The following ANKRD31 variants were observed in gnomAD, a reference collection of about 807,000 sequenced individuals.
ANKRD31 encodes ankyrin repeat domain-containing protein 31.
In ANKRD31, 147 loss-of-function variants were observed where a neutral mutation model predicts 186.0. The ratio of observed to expected loss-of-function variants is 0.79; its 90% CI spans 0.69 to 0.91. ANKRD31 has a LOEUF of 0.91. Ranked by LOEUF, ANKRD31 falls within the 40% of genes least tolerant of loss-of-function variation. ANKRD31 has a pLI of 0.00. For missense variants in ANKRD31, 1,986 were observed against 2,148.8 expected, an observed-to-expected ratio of 0.92 and a Z score of 1.50; for synonymous variants, 673 against 736.4, an observed-to-expected ratio of 0.91 and a Z score of 1.39.
rs565782918 is a variant in ANKRD31 at position 75,109,651 on chromosome 5, G to A, written c.4244-2034C>T. On this transcript the variant is annotated intron_variant, in intron 20 of 25. Transcript: ENST00000506364. Reference sequence around the variant, plus strand: ...AACACCTAGAGACCTTGAAAAATGAGGAGCTACCACAGCAGGGCCAAAAGA... The same window carrying A: ...AACACCTAGAGACCTTGAAAAATGAAGAGCTACCACAGCAGGGCCAAAAGA... Among the ~76,000 whole-genome samples the A allele has an allele frequency of 4.6e-5, 7 of 152,240 alleles. 1 individual carries two copies. In the South Asian group the frequency reaches 1.5e-3, roughly 32 times the overall value.
intron 17 of ANKRD31, among the ~76,000 whole-genome samples, chr5:75,134,241 G>C (rs1043353321): frequency 6.6e-6 from 1 of 151,604 alleles, no homozygotes; most frequent in African/African-American, 2.4e-5. Context: ...TTTTTTGAAA[G>C]CATCAACAAA....
chr5:75,112,597 G>A lies in ANKRD31; in HGVS notation c.4159C>T (p.Gln1387Ter). ...TCTTGTAGAATGGCACTGAGGGTCT[G>A]ATGCTATCAGATAAAAATATTTGAA... ...ERSRESLSVH[Q>*]TLSAILQDIE... Residue 1387 changes from glutamine to a stop codon, truncating the protein, a stop_gained, in exon 20 of 26, where the codon CAG (glutamine) becomes TAG (stop). Transcript: ENST00000506364. LOFTEE classifies it high-confidence loss of function. 1 of 1,501,340 alleles carries A rather than the reference G, an allele frequency of 6.7e-7. No individual in the cohort carries two copies. The highest frequency in any genetic ancestry group is 8.9e-7 in the Non-Finnish European group (1 of 1,124,664). The allele number at this position is 1,501,340 out of a possible 1,614,324, so 93.0% of individuals were successfully genotyped here. A position where few individuals can be genotyped will look rare whatever the true frequency, so the allele number is the denominator to read the frequency against.
chr5:75,070,780 T>C (rs1224801216), intron 25 of ANKRD31, among the ~76,000 whole-genome samples: 3 of 152,208 alleles, frequency 2.0e-5, no homozygotes, highest in Non-Finnish European at 4.4e-5. Flanking sequence ...TTCCTAGGAC[T>C]AGGAAAGTGT....
rs1423881602 is a variant in ANKRD31 at position 75,107,582 on chromosome 5, T to A, written c.4279A>T (p.Ile1427Phe). 1 of 1,531,388 alleles carries A rather than the reference T, an allele frequency of 6.5e-7. No individual in the cohort carries two copies. The highest frequency in any genetic ancestry group is 2.0e-5 in the Admixed American group (1 of 50,328). The allele number at this position is 1,531,388 out of a possible 1,614,324, so 94.9% of individuals were successfully genotyped here. The stretch of plus-strand genomic sequence containing the variant: ...TGCTTGGCAAGCACATTATCCATAA[T>A]CTTTTTTATCTTTAACATCTTTTCA... Reference protein sequence around the residue: ...YIEKMLKIKKIMDNVLAKQKA... With the variant: ...YIEKMLKIKKFMDNVLAKQKA... Residue 1427 changes from isoleucine to phenylalanine, a missense_variant, in exon 21 of 26, where the codon ATT becomes TTT. Transcript: ENST00000506364.
At chr5:75,229,872 A>C (rs1434704215) in intron 2 of ANKRD31, among the ~76,000 whole-genome samples, 3 of 106,708 alleles carry the variant, frequency 2.8e-5, no homozygotes, top group African/African-American at 1.9e-4. Flanking sequence ...CTCAAAAAAA[A>C]AAAAAAAAAA....
chr5:75,145,970 A>AGCAATATTACTAATACCTGG lies in ANKRD31; in HGVS notation c.3421_3424+16dup. On this transcript the variant is annotated intron_variant, in intron 14 of 25. Transcript: ENST00000506364. ...ATCTATAGGAAATATGTACAGATTAAGCAATATTACTAATACCTGGTTTGT... is the reference window on the plus strand; with the variant it reads ...ATCTATAGGAAATATGTACAGATTAAGCAATATTACTAATACCTGGGCAATATTACTAATACCTGGTTTGT... 7.0e-7 allele frequency: 1 copy of AGCAATATTACTAATACCTGG among 1,430,040 alleles called. No individual in the cohort carries two copies. Among genetic ancestry groups the AGCAATATTACTAATACCTGG allele is most frequent in the South Asian group, 1.5e-5 (1 of 67,716 alleles). The allele number at this position is 1,430,040 out of a possible 1,614,324, so 88.6% of individuals were successfully genotyped here.
chr5:75,068,604 A>C lies in ANKRD31; in HGVS notation c.5708T>G (p.Leu1903Ter), dbSNP rs1743952461. 1 of 1,523,966 alleles carries C rather than the reference A, an allele frequency of 6.6e-7. No homozygotes were observed. Among genetic ancestry groups the C allele is most frequent in the Middle Eastern group, 1.7e-4 (1 of 5,962 alleles). 94.4% of individuals were successfully genotyped at this position (1,523,966 alleles called of 1,614,324 possible). A position where few individuals can be genotyped will look rare whatever the true frequency, so the allele number is the denominator to read the frequency against. Residue 1903 changes from leucine to a stop codon, truncating the protein, a stop_gained, in exon 26 of 26, where the codon TTA becomes TGA. Coordinates refer to ENST00000506364, the MANE Select transcript of ANKRD31 (RefSeq NM_001372053.1). LOFTEE classifies it high-confidence loss of function. Reference protein sequence around the residue: ...PRYLQINEILLISDQEFLPCH... With the variant: ...PRYLQINEIL ...TGGGAGAAATTCTTGATCACTGATTAATAGTATTTCATTTATTTGTAGATA... is the reference window on the plus strand; with the variant it reads ...TGGGAGAAATTCTTGATCACTGATTCATAGTATTTCATTTATTTGTAGATA...
intron 7 of ANKRD31, 91 bp from the exon 8 acceptor site, chr5:75,193,682 A>C: frequency 8.3e-7 from 1 of 1,197,900 alleles, no homozygotes; most frequent in Non-Finnish European, 1.1e-6. Flanking sequence ...ACCTTTGCTT[A>C]AATTAAAATG....
At position 75,145,972 on chromosome 5, in the gene ANKRD31, C is replaced by G; in HGVS notation, c.3424+15G>C. ...CTATAGGAAATATGTACAGATTAAG[C>G]AATATTACTAATACCTGGTTTGTGA... On this transcript the variant is annotated intron_variant, in intron 14 of 25. Transcript: ENST00000506364. 4 of 1,433,096 alleles carry G rather than the reference C, an allele frequency of 2.8e-6. No individual in the cohort carries two copies. The South Asian group carries it at 5.9e-5, about 21-fold the overall frequency. 88.8% of individuals were successfully genotyped at this position (1,433,096 alleles called of 1,614,324 possible). A position where few individuals can be genotyped will look rare whatever the true frequency, so the allele number is the denominator to read the frequency against.
chr5:75,184,150 A>T (rs1033174614), intron 10 of ANKRD31, among the ~76,000 whole-genome samples: 2 of 152,136 alleles, frequency 1.3e-5, no homozygotes, highest in Non-Finnish European at 2.9e-5. Flanking sequence ...CACACTGGGG[A>T]AAAAACAGCC....
chr5:75,177,935 T>C (rs1272800653), intron 10 of ANKRD31, among the ~76,000 whole-genome samples: 3 of 152,068 alleles, frequency 2.0e-5, no homozygotes, highest in Non-Finnish European at 4.4e-5. Context: ...AGGCGCAGAC[T>C]GGCAAACTGG....
intron 23 of ANKRD31, among the ~76,000 whole-genome samples, chr5:75,087,336 G>A (rs1023906299): frequency 4.0e-5 from 6 of 151,850 alleles, no homozygotes; most frequent in African/African-American, 1.2e-4. Context: ...GTGAAACCCC[G>A]TCTCTACTAA....
intron 25 of ANKRD31, among the ~76,000 whole-genome samples, chr5:75,076,698 C>T (rs892535844): frequency 1.3e-5 from 2 of 152,186 alleles, no homozygotes; most frequent in African/African-American, 4.8e-5. Flanking sequence ...CTAATCAAGG[C>T]TTGGTCTTTC....
chr5:75,088,671 G>T (rs1745691341), intron 23 of ANKRD31, among the ~76,000 whole-genome samples: 1 of 152,160 alleles, frequency 6.6e-6, no homozygotes, highest in Admixed American at 6.5e-5. Flanking sequence ...ATACAGAAAA[G>T]AATGTACAGG....
chr5:75,154,200 C>A lies in ANKRD31; in HGVS notation c.1852+1G>T. ...GCTATTACAGGGCAGTTTAATCTTACCTGATGTAAGGCATTTTTGATGTTT... is the reference window on the plus strand; with the variant it reads ...GCTATTACAGGGCAGTTTAATCTTAACTGATGTAAGGCATTTTTGATGTTT... On this transcript the variant is annotated splice_donor_variant, in intron 12 of 25. Transcript: ENST00000506364. LOFTEE classifies it high-confidence loss of function. 1 of 1,510,428 alleles carries A rather than the reference C, an allele frequency of 6.6e-7. No individual in the cohort carries two copies. Among genetic ancestry groups the A allele is most frequent in the South Asian group, 1.3e-5 (1 of 78,382 alleles). The allele number at this position is 1,510,428 out of a possible 1,614,324, so 93.6% of individuals were successfully genotyped here.
At chr5:75,181,106 T>TTTATGCAG (rs1754255863) in intron 10 of ANKRD31, among the ~76,000 whole-genome samples, 1 of 151,180 alleles carries the variant, frequency 6.6e-6, no homozygotes, top group Non-Finnish European at 1.5e-5. Context: ...AAAGAAGACA[T>TTTATGCAG]TTATGCAGCC....
chr5:75,193,489 T>C lies in ANKRD31; in HGVS notation c.1120A>G (p.Asn374Asp), dbSNP rs952061497. The C allele has an allele frequency of 9.8e-6, 15 of 1,537,186 alleles. No homozygotes were observed. The highest frequency in any genetic ancestry group is 2.4e-5 in the East Asian group (1 of 40,914). Residue 374 changes from asparagine (N) to aspartate (D), a missense_variant, in exon 8 of 26, where the codon AAT becomes GAT. Asn to Asp is a conservative substitution (Grantham distance 23, BLOSUM62 1). Transcript: ENST00000506364. ...CACGCAGTTTCCTGATCAGAGCTATTTGTCACTGAATTTGAATTTCTCTTA... is the reference window on the plus strand; with the variant it reads ...CACGCAGTTTCCTGATCAGAGCTATCTGTCACTGAATTTGAATTTCTCTTA... ...SNKRNSNSVT[N>D]SSDQETACVL...
chr5:75,137,065 T>A (rs1378307680), intron 17 of ANKRD31, among the ~76,000 whole-genome samples: 3 of 152,066 alleles, frequency 2.0e-5, no homozygotes, highest in African/African-American at 4.8e-5. Context: ...CTAATGTAAA[T>A]GATGAGTTGA....
intron 2 of ANKRD31, among the ~76,000 whole-genome samples, chr5:75,228,871 C>A (rs1299047365): frequency 6.6e-6 from 1 of 152,202 alleles, no homozygotes; most frequent in Non-Finnish European, 1.5e-5. Flanking sequence ...ATATTACACA[C>A]TGTCCCTTCC....
Sources: gnomAD v4.1 joint callset for allele counts (sites outside exome capture counted in the v4.1 genomes callset) on GRCh38, gnomAD v4.1.1 for gene constraint, MANE v1.5 for transcripts, NCBI Gene and HGNC (gene_info 2026-07-23, HGNC 2026-07-21) for gene names.